RAB3C: variants seen among roughly 807,000 people sequenced by gnomAD.
RAB3C encodes the protein RAB3C, member RAS oncogene family.
A neutral mutation model predicts 26.4 loss-of-function variants in RAB3C; 17 were observed. That is an observed-to-expected ratio of 0.64 (90% CI 0.44 to 0.97). The LOEUF is 0.97. Among genes scored for constraint, RAB3C ranks in the 50% least tolerant of loss-of-function variants. The pLI, the probability that RAB3C is intolerant of heterozygous loss-of-function variation, is 0.00. For missense variants in RAB3C, 242 were observed against 281.9 expected (o/e 0.86, Z 1.01); for synonymous variants, 91 against 95.9 (o/e 0.95, Z 0.30).
intron 2 of RAB3C, among the ~76,000 whole-genome samples, chr5:58,714,690 G>A (rs1749131669): frequency 6.6e-6 from 1 of 152,002 alleles, no homozygotes; most frequent in Non-Finnish European, 1.5e-5. Context: ...GGAGAATGAA[G>A]TTAAAGATAT....
chr5:58,695,920 C>G (rs1175441929), intron 2 of RAB3C, among the ~76,000 whole-genome samples: 1 of 152,190 alleles, frequency 6.6e-6, no homozygotes, highest in Non-Finnish European at 1.5e-5. Context: ...TTATTTGGTT[C>G]TCTTGCCTGA....
intron 1 of RAB3C, among the ~76,000 whole-genome samples, chr5:58,615,966 A>G (rs2111719000): frequency 7.4e-6 from 1 of 134,702 alleles, no homozygotes; most frequent in African/African-American, 2.7e-5. Flanking sequence ...TTCTGTAAAC[A>G]TACGTGTACA....
At chr5:58,748,417 C>G (rs1741446087) in intron 3 of RAB3C, among the ~76,000 whole-genome samples, 2 of 152,096 alleles carry the variant, frequency 1.3e-5, no homozygotes, top group African/African-American at 4.8e-5. Context: ...AGCATATTCC[C>G]TGATTCATTG....
intron 2 of RAB3C, among the ~76,000 whole-genome samples, chr5:58,626,038 T>C (rs1747044081): frequency 6.6e-6 from 1 of 152,118 alleles, no homozygotes; most frequent in Admixed American, 6.6e-5. Context: ...AAAAAGAACA[T>C]GAAAGATAAG....
chr5:58,691,701 G>A (rs1293426419), intron 2 of RAB3C, among the ~76,000 whole-genome samples: 1 of 152,116 alleles, frequency 6.6e-6, no homozygotes, highest in African/African-American at 2.4e-5. Context: ...CTAGAACCCA[G>A]ACATGCAATG....
At chr5:58,808,983 A>G (rs1331812642) in intron 3 of RAB3C, among the ~76,000 whole-genome samples, 1 of 152,200 alleles carries the variant, frequency 6.6e-6, no homozygotes, top group Non-Finnish European at 1.5e-5. Flanking sequence ...CTTTATCTCC[A>G]GTGCATTTGC....
intron 2 of RAB3C, among the ~76,000 whole-genome samples, chr5:58,626,285 A>G (rs1747050168): frequency 6.6e-6 from 1 of 152,176 alleles, no homozygotes; most frequent in South Asian, 2.1e-4. Context: ...AGGTATGAAG[A>G]TCTTTTAAAT....
chr5:58,806,620 G>A (rs574754248), intron 3 of RAB3C, among the ~76,000 whole-genome samples: 21 of 152,248 alleles, frequency 1.4e-4, no homozygotes, highest in African/African-American at 4.6e-4. Flanking sequence ...TCCTGTGCAT[G>A]GAAGGATATT....
rs1561156412 is a variant in RAB3C at position 58,859,212 on chromosome 5, T to C, written c.*7861T>C. The stretch of plus-strand genomic sequence containing the variant: ...GAGCTCTTGTGTGGGTTTAAAGCTA[T>C]GAAGTGTATTCACATTGTGAAGTTT... On this transcript the variant is annotated 3_prime_UTR_variant, in exon 5 of 5. Transcript: ENST00000282878. 6.6e-6 allele frequency: 1 copy of C among 152,254 alleles called. No homozygotes were observed. Among genetic ancestry groups the C allele is most frequent in the East Asian group, 1.9e-4 (1 of 5,206 alleles). 9.4% of individuals were successfully genotyped at this position (152,254 alleles called of 1,614,324 possible).
intron 3 of RAB3C, among the ~76,000 whole-genome samples, chr5:58,763,130 A>G (rs571934937): frequency 2.0e-5 from 3 of 152,246 alleles, no homozygotes; most frequent in African/African-American, 7.2e-5. Flanking sequence ...ACAACTTACA[A>G]TGAATTACAA....
chr5:58,615,970 G>A (rs1445477783), intron 1 of RAB3C, among the ~76,000 whole-genome samples: 6 of 118,968 alleles, frequency 5.0e-5, no homozygotes, highest in South Asian at 3.1e-4. Context: ...GTAAACATAC[G>A]TGTACACACA....
intron 2 of RAB3C, among the ~76,000 whole-genome samples, chr5:58,638,504 C>G (rs548015874): frequency 4.9e-4 from 74 of 152,116 alleles, no homozygotes; most frequent in African/African-American, 1.7e-3. Context: ...ATCCAAAAGA[C>G]AAGCCATACT....
At chr5:58,829,014 C>G (rs1055513239) in intron 4 of RAB3C, among the ~76,000 whole-genome samples, 1 of 151,392 alleles carries the variant, frequency 6.6e-6, no homozygotes, top group African/African-American at 2.4e-5. Flanking sequence ...AGCGATTCTC[C>G]TGCCTCAGCC....
chr5:58,798,158 C>T (rs147963560), intron 3 of RAB3C, among the ~76,000 whole-genome samples: 7 of 152,134 alleles, frequency 4.6e-5, no homozygotes, highest in Middle Eastern at 3.4e-3. Flanking sequence ...TAGAAAATCA[C>T]AATTTTTCAA....
chr5:58,722,216 G>T (rs1327187307), intron 2 of RAB3C, among the ~76,000 whole-genome samples: 1 of 151,838 alleles, frequency 6.6e-6, no homozygotes, highest in Non-Finnish European at 1.5e-5. Context: ...GATAAAGTCA[G>T]TTTTCCAATA....
chr5:58,670,553 C>A (rs1748094419), intron 2 of RAB3C, among the ~76,000 whole-genome samples: 1 of 152,092 alleles, frequency 6.6e-6, no homozygotes, highest in African/African-American at 2.4e-5. Context: ...TTATGTATTT[C>A]CAACAGAAGA....
At chr5:58,615,190 A>T (rs1045430374) in intron 1 of RAB3C, among the ~76,000 whole-genome samples, 1 of 152,092 alleles carries the variant, frequency 6.6e-6, no homozygotes, top group African/African-American at 2.4e-5. Context: ...GAGGTATCCT[A>T]GAGATCCTCG....
At chr5:58,604,684 C>T (rs1044583093) in intron 1 of RAB3C, among the ~76,000 whole-genome samples, 1 of 152,176 alleles carries the variant, frequency 6.6e-6, no homozygotes, top group African/African-American at 2.4e-5. Context: ...ATTCTGTTTC[C>T]AGGTGGAGGG....
At chr5:58,680,416 T>C (rs1277266471) in intron 2 of RAB3C, among the ~76,000 whole-genome samples, 1 of 152,246 alleles carries the variant, frequency 6.6e-6, no homozygotes, top group African/African-American at 2.4e-5. Context: ...TGGACACTTG[T>C]ATGTTATATG....
Sources: gnomAD v4.1 joint callset for allele counts (sites outside exome capture counted in the v4.1 genomes callset) on GRCh38, gnomAD v4.1.1 for gene constraint, MANE v1.5 for transcripts, NCBI Gene and HGNC (gene_info 2026-07-23, HGNC 2026-07-21) for gene names.